Variants in FASTKD3 observed in about 807,000 individuals in gnomAD.
FASTKD3 encodes the protein FAST kinase domains 3, also known as FAST kinase domain-containing protein 3, mitochondrial.
Under a neutral mutation model 49.7 loss-of-function variants are expected in FASTKD3, and 47 were observed. The observed-to-expected ratio is 0.95, with a 90% CI of 0.75 to 1.21. The LOEUF is 1.21. Ranked by LOEUF, FASTKD3 falls within the 50% of genes most tolerant of loss-of-function variation. The probability of loss-of-function intolerance (pLI) is 0.00; values close to 1 mark genes in which losing one functional copy is unlikely to be tolerated. For synonymous variants in FASTKD3, 284 were observed against 288.6 expected, an observed-to-expected ratio of 0.98 and a Z score of 0.16; for missense variants, 748 against 765.7, an observed-to-expected ratio of 0.98 and a Z score of 0.27.
chr5:7,863,824 G>C lies in FASTKD3; in HGVS notation c.1525-827C>G, dbSNP rs192635769. 1.6e-3 allele frequency among the ~76,000 whole-genome samples: 240 copies of C among 152,132 alleles called. 2 individuals are homozygous for C. The highest frequency in any genetic ancestry group is 5.7e-3 in the African/African-American group (236 of 41,536). ...ATTGCGTGCTTGAAAATGGCTGAGA[G>C]TACTTTTTTACCTTTTTTTTTGTTT... On this transcript the variant is annotated intron_variant, in intron 3 of 6. Transcript: ENST00000264669.
chr5:7,868,299 A>G (rs1747207241), intron 1 of FASTKD3, 103 bp from the exon 2 acceptor site: 2 of 494,696 alleles, frequency 4.0e-6, no homozygotes, highest in African/African-American at 2.0e-5. Context: ...ACATTGAACA[A>G]TAACAATCGC....
Position 7,861,643 on chromosome 5 carries a change from A to G in FASTKD3, c.1709T>C (p.Ile570Thr), listed in dbSNP as rs760255829. ...TPYCYTIDVE[I>T]KLDEEGFVLP... ...TACAAATCCTTCTTCATCTAATTTA[A>G]TTTCAACATCTGGTGAGAGAAGAAA... The change falls in exon 5 of 7, where the codon ATT (isoleucine) becomes ACT (threonine). Residue 570 changes from isoleucine (I) to threonine (T), a missense_variant. Physicochemically the swap from Ile to Thr is moderately conservative, Grantham distance 89 (BLOSUM62 -1). Around this residue, in one of 3 missense-constraint regions of FASTKD3, gnomAD observed 178 missense variants for 182.2 expected, o/e 0.98. Coordinates refer to ENST00000264669, the MANE Select transcript of FASTKD3 (RefSeq NM_024091.4). 6.2e-7 allele frequency: 1 copy of G among 1,608,762 alleles called. No individual in the cohort carries two copies. The highest frequency in any genetic ancestry group is 1.3e-5 in the African/African-American group (1 of 74,960).
Position 7,862,926 on chromosome 5 carries a change from C to T in FASTKD3, c.1596G>A (p.Val532=), listed in dbSNP as rs1189222771. The part of the protein sequence containing the change: ...LTPCCSLETP[V]DSQLYRYVKI... ...TCACATATCTATAAAGCTGAGAATC[C>T]ACAGGGGTCTCCAGGGAACAGCATG... Residue 532 remains valine, a synonymous_variant, in exon 4 of 7, where the codon GTG becomes GTA. Coordinates refer to ENST00000264669, the MANE Select transcript of FASTKD3 (RefSeq NM_024091.4). 1.2e-6 allele frequency: 2 copies of T among 1,613,860 alleles called. No homozygotes were observed. Among genetic ancestry groups the T allele is most frequent in the South Asian group, 2.2e-5 (2 of 91,066 alleles).
chr5:7,868,929 T>G (rs1561121744), intron 1 of FASTKD3, 50 bp downstream of exon 1: 1 of 653,164 alleles, frequency 1.5e-6, no homozygotes, highest in Non-Finnish European at 2.8e-6. Flanking sequence ...CGGCCAGGTC[T>G]TTGACACCCA....
At chr5:7,865,860 C>T (rs1033515896) in intron 3 of FASTKD3, 38 bp downstream of exon 3, 2 of 1,468,774 alleles carry the variant, frequency 1.4e-6, no homozygotes, top group Non-Finnish European at 1.9e-6. Context: ...AAACTGCACC[C>T]ATGGGGAAAT....
intron 2 of FASTKD3, 44 bp downstream of exon 2, chr5:7,866,602 A>C: frequency 2.1e-6 from 3 of 1,428,270 alleles, no homozygotes; most frequent in Non-Finnish European, 2.9e-6. Flanking sequence ...CTGCCAGTTC[A>C]AAGGTTACTT....
intron 4 of FASTKD3, 102 bp from the exon 5 acceptor site, chr5:7,861,754 T>C: frequency 1.3e-6 from 2 of 1,495,854 alleles, no homozygotes; most frequent in East Asian, 2.5e-5. Flanking sequence ...CCACCTTGCA[T>C]TGATCAATTG....
rs371168588 is a variant in FASTKD3 at position 7,867,014 on chromosome 5, T to A, written c.1070A>T (p.His357Leu). ...CGTGAGGCACACCGCAGCTACACGATGCTCTAGGGCTTTTGTAAAAAATGT... is the reference window on the plus strand; with the variant it reads ...CGTGAGGCACACCGCAGCTACACGAAGCTCTAGGGCTTTTGTAAAAAATGT... Reference protein sequence around the residue: ...HDTFFTKALEHRVAAVCLTLD... With the variant: ...HDTFFTKALELRVAAVCLTLD... Residue 357 changes from histidine (H) to leucine (L), a missense_variant, in exon 2 of 7, where the codon CAT becomes CTT. Physicochemically the swap from His to Leu is moderately conservative, Grantham distance 99 (BLOSUM62 -3). This residue lies in a region of FASTKD3 where 564 missense variants were observed against 562.8 expected (regional missense o/e 1.00). Transcript: ENST00000264669. The A allele has an allele frequency of 6.2e-7, 1 of 1,614,212 alleles. No homozygotes were observed. Among genetic ancestry groups the A allele is most frequent in the South Asian group, 1.1e-5 (1 of 91,080 alleles).
In FASTKD3 at chr5:7,868,970, G is replaced by A. The variant is rs1045790556; in HGVS notation, c.-114+9C>T. 8 of 801,572 alleles carry A rather than the reference G, an allele frequency of 1.0e-5. No homozygotes were observed. Among genetic ancestry groups the A allele is most frequent in the Non-Finnish European group, 1.7e-5 (8 of 464,538 alleles). 49.7% of individuals were successfully genotyped at this position (801,572 alleles called of 1,614,324 possible). ...ACCAACTGCGCGGAGACCCCGCGTT[G>A]ACACCTACCGCGCTCTGCCGGGCAA... On this transcript the variant is annotated intron_variant, in intron 1 of 6. Transcript: ENST00000264669.
chr5:7,868,549 G>A (rs1747240333), intron 1 of FASTKD3, among the ~76,000 whole-genome samples: 1 of 152,194 alleles, frequency 6.6e-6, no homozygotes, highest in African/African-American at 2.4e-5. Context: ...GGTAAAGTGG[G>A]CAAAATTAGG....
chr5:7,861,777 C>G (rs1277305486), intron 4 of FASTKD3, 125 bp from the exon 5 acceptor site: 8 of 1,445,020 alleles, frequency 5.5e-6, no homozygotes, highest in Non-Finnish European at 7.3e-6. Context: ...CTGAAGGCTG[C>G]AAAGTAATGA....
intron 6 of FASTKD3, among the ~76,000 whole-genome samples, chr5:7,860,693 G>GA (rs1435516868): frequency 6.6e-6 from 1 of 152,228 alleles, no homozygotes; most frequent in East Asian, 1.9e-4. Flanking sequence ...GCCTGTGCCT[G>GA]AAAAATCCCT....
chr5:7,866,313 C>CAAA (rs35385669), intron 2 of FASTKD3, among the ~76,000 whole-genome samples: 2 of 140,414 alleles, frequency 1.4e-5, no homozygotes, highest in Admixed American at 7.0e-5. Flanking sequence ...ACCATCCTCT[C>CAAA]AAAAAAAAAA....
intron 3 of FASTKD3, among the ~76,000 whole-genome samples, chr5:7,864,944 C>T (rs1011351965): frequency 5.3e-5 from 8 of 151,822 alleles, no homozygotes; most frequent in Admixed American, 2.0e-4. Context: ...ATAGCATTCC[C>T]GATAGAGACA....
chr5:7,861,532 T>G, intron 5 of FASTKD3, 51 bp downstream of exon 5: 1 of 1,320,358 alleles, frequency 7.6e-7, no homozygotes, highest in Non-Finnish European at 1.0e-6. Context: ...TACCGCTGCT[T>G]ATTAGCCTCA....
At position 7,867,777 on chromosome 5, in the gene FASTKD3, A is replaced by G. The variant is rs777542253; in HGVS notation, c.307T>C (p.Tyr103His). ...GAAGTCAAGTTGCTCAGTCTCCTGT[A>G]AAACATCTGACTCTCCTCATTTTTA... is the stretch of plus-strand genomic sequence containing the variant. The part of the protein sequence containing the change: ...NVKNEESQMF[Y>H]RRLSNLTSSE... Residue 103 changes from tyrosine (Y) to histidine (H), a missense_variant, in exon 2 of 7, where the codon TAC becomes CAC. Physicochemically the swap from Tyr to His is moderately conservative, Grantham distance 83. Transcript: ENST00000264669. 6.2e-7 allele frequency: 1 copy of G among 1,614,234 alleles called. No homozygotes were observed. The highest frequency in any genetic ancestry group is 8.5e-7 in the Non-Finnish European group (1 of 1,180,044).
intron 3 of FASTKD3, among the ~76,000 whole-genome samples, chr5:7,864,068 C>G (rs1746755516): frequency 6.6e-6 from 1 of 152,162 alleles, no homozygotes; most frequent in African/African-American, 2.4e-5. Context: ...CAAGGCTGGT[C>G]TCGAACTCCT....
chr5:7,868,805 C>A (rs902261877), intron 1 of FASTKD3, among the ~76,000 whole-genome samples, 174 bp downstream of exon 1: 6 of 152,328 alleles, frequency 3.9e-5, no homozygotes, highest in East Asian at 1.9e-4. Flanking sequence ...CGGGAGGCCC[C>A]GCGGCGCGTT....
chr5:7,866,032 T>C (rs745369244), intron 2 of FASTKD3, 49 bp from the exon 3 acceptor site: 1 of 1,247,578 alleles, frequency 8.0e-7, no homozygotes, highest in South Asian at 1.4e-5. Context: ...TTGAGGTATG[T>C]ATGAGAGAAC....
Sources: gnomAD v4.1 joint callset for allele counts (sites outside exome capture counted in the v4.1 genomes callset) on GRCh38, gnomAD v4.1.1 for gene constraint, gnomAD v4.1.1 regional missense constraint, MANE v1.5 for transcripts, NCBI Gene and HGNC (gene_info 2026-07-23, HGNC 2026-07-21) for gene names.